The following SREBF2 variants were observed in gnomAD, a reference collection of about 807,000 sequenced individuals.
SREBF2 encodes the protein sterol regulatory element-binding protein 2.
SREBF2 carries 55 observed loss-of-function variants against 113.1 expected under a neutral mutation model. The observed-to-expected ratio is 0.49, with a 90% confidence interval of 0.39 to 0.61. The LOEUF (loss-of-function observed/expected upper bound fraction) is 0.61. SREBF2 is among the 20% of genes least tolerant of loss of function. The pLI, the probability that SREBF2 is intolerant of heterozygous loss-of-function variation, is 0.00. For missense variants in SREBF2, 1,349 were observed against 1,487.4 expected (o/e 0.91, Z 1.53); for synonymous variants, 593 against 605.7 (o/e 0.98, Z 0.31).
chr22:41,905,090 G>T lies in SREBF2; in HGVS notation c.3205+116G>T, dbSNP rs967563542. The T allele has an allele frequency of 5.9e-6, 6 of 1,009,378 alleles. No homozygotes were observed. The African/African-American group carries it at 9.7e-5, about 16-fold the overall frequency. 62.5% of individuals were successfully genotyped at this position (1,009,378 alleles called of 1,614,324 possible). The stretch of plus-strand genomic sequence containing the variant: ...GGCATTGGTGCCCAGCACACCTCTC[G>T]CCTCTCTGAGAATGAAAGAAGCCCG... On this transcript the variant is annotated intron_variant, in intron 18 of 18. Transcript: ENST00000361204.
intron 1 of SREBF2, among the ~76,000 whole-genome samples, chr22:41,838,178 C>CT (rs1005148925): frequency 2.0e-5 from 3 of 152,268 alleles, no homozygotes; most frequent in African/African-American, 7.2e-5. Context: ...TGGAGGTGAC[C>CT]TTTTTGCTGG....
At chr22:41,857,778 G>T (rs1313404946) in intron 1 of SREBF2, among the ~76,000 whole-genome samples, 6 of 152,138 alleles carry the variant, frequency 3.9e-5, no homozygotes, top group Non-Finnish European at 8.8e-5. Context: ...GCTCTGATGT[G>T]CCCCCTGGTG....
At chr22:41,864,266 A>G (rs1189069591) in intron 1 of SREBF2, among the ~76,000 whole-genome samples, 1 of 106,176 alleles carries the variant, frequency 9.4e-6, no homozygotes, top group African/African-American at 4.1e-5. Context: ...ATATATACAC[A>G]CACACACACA....
At chr22:41,853,776 C>T (rs187556779) in intron 1 of SREBF2, among the ~76,000 whole-genome samples, 7 of 152,276 alleles carry the variant, frequency 4.6e-5, no homozygotes, top group Admixed American at 3.9e-4. Flanking sequence ...TGGCTCACGC[C>T]TGTAATCCCA....
intron 16 of SREBF2, 87 bp downstream of exon 16, chr22:41,900,585 G>T (rs2077457317): frequency 2.9e-6 from 4 of 1,397,636 alleles, no homozygotes; most frequent in East Asian, 4.7e-5. Context: ...TGACCCTGCG[G>T]GTGGGGCCAT....
intron 17 of SREBF2, among the ~76,000 whole-genome samples, chr22:41,903,765 C>T (rs1468906304): frequency 6.6e-6 from 1 of 152,138 alleles, no homozygotes; most frequent in Admixed American, 6.5e-5. Flanking sequence ...TGAGGGGGCA[C>T]GGGCTGGGCT....
chr22:41,903,053 G>T lies in SREBF2; in HGVS notation c.2991G>T (p.Val997=), dbSNP rs751650602. The T allele has an allele frequency of 2.5e-6, 4 of 1,606,984 alleles. No homozygotes were observed. Among genetic ancestry groups the T allele is most frequent in the Non-Finnish European group, 3.4e-6 (4 of 1,177,008 alleles). The part of the protein sequence containing the change: ...WQKQASASQA[V]GETYHASGAE... ...AACAGGCCAGTGCCAGCCAGGCTGT[G>T]GGGGAGACCTACCACGCGTCAGGCG... Residue 997 remains valine (V), a synonymous_variant, in exon 17 of 19, where the codon GTG becomes GTT. Coordinates refer to ENST00000361204, the MANE Select transcript of SREBF2 (RefSeq NM_004599.4).
chr22:41,878,016 G>T lies in SREBF2; in HGVS notation c.1654G>T (p.Val552Phe). 1 of 1,614,146 alleles carries T rather than the reference G, an allele frequency of 6.2e-7. No homozygotes were observed. Among genetic ancestry groups the T allele is most frequent in the Non-Finnish European group, 8.5e-7 (1 of 1,180,038 alleles). ...WLVNGVIVLS[V>F]FVKLLVHGEP... is the part of the protein sequence containing the mutation. ...GGTAAATGGTGTGATTGTCCTGAGC[G>T]TCTTTGTGAAGCTGCTGGTTCATGG... The change falls in exon 9 of 19, where the codon GTC becomes TTC. Residue 552 changes from valine (V) to phenylalanine (F), a missense_variant. Physicochemically the swap from Val to Phe is conservative, Grantham distance 50 (BLOSUM62 -1). This residue lies in a region of SREBF2 where 699 missense variants were observed against 843.3 expected (regional missense o/e 0.83). Transcript: ENST00000361204.
chr22:41,856,478 G>A (rs2076978936), intron 1 of SREBF2, among the ~76,000 whole-genome samples: 1 of 152,152 alleles, frequency 6.6e-6, no homozygotes, highest in African/African-American at 2.4e-5. Context: ...AGAACTAAAA[G>A]ATGACTAGAT....
In SREBF2 at chr22:41,876,184, G is replaced by A. The variant is rs374931691; in HGVS notation, c.1386+460G>A. On this transcript the variant is annotated intron_variant, in intron 7 of 18. Coordinates refer to ENST00000361204, the MANE Select transcript of SREBF2 (RefSeq NM_004599.4). ...ACATTTTACCTATGGGCCTTTAATC[G>A]TCAAAGCCCCTGGCAATGGTAGTTT... Among the ~76,000 whole-genome samples the A allele has an allele frequency of 3.1e-4, 47 of 152,262 alleles. 1 individual carries two copies. The highest frequency in any genetic ancestry group is 2.7e-3 in the South Asian group (13 of 4,830).
chr22:41,890,026 T>C (rs146582375), intron 11 of SREBF2, among the ~76,000 whole-genome samples: 9 of 152,078 alleles, frequency 5.9e-5, no homozygotes, highest in African/African-American at 1.9e-4. Flanking sequence ...TTTTGGATTC[T>C]TAATAATTTC....
intron 1 of SREBF2, among the ~76,000 whole-genome samples, chr22:41,859,461 G>A (rs1275642303): frequency 1.3e-5 from 2 of 152,206 alleles, no homozygotes; most frequent in Admixed American, 6.5e-5. Context: ...CATTTCAGCC[G>A]AATATGGTTT....
Position 41,833,588 on chromosome 22 carries a change from A to C in SREBF2, c.88+230A>C. On this transcript the variant is annotated intron_variant, in intron 1 of 18. Transcript: ENST00000361204. This position sits in a 1 kb window ranked among gnomAD's most constrained non-coding sequence, Gnocchi z 4.1. Reference sequence around the variant, plus strand: ...GGATCTGGGGCGCCGCGGGGCCGAAAGCGGCGCGAGGGTCGCGGGTTCCAG... The same window carrying C: ...GGATCTGGGGCGCCGCGGGGCCGAACGCGGCGCGAGGGTCGCGGGTTCCAG... 1 of 417,900 alleles carries C rather than the reference A, an allele frequency of 2.4e-6. No individual in the cohort carries two copies. Among genetic ancestry groups the C allele is most frequent in the African/African-American group, 2.1e-5 (1 of 47,698 alleles). 25.9% of individuals were successfully genotyped at this position (417,900 alleles called of 1,614,324 possible). A position where few individuals can be genotyped will look rare whatever the true frequency, so the allele number is the denominator to read the frequency against.
At chr22:41,881,933 T>A (rs1354284364) in intron 10 of SREBF2, among the ~76,000 whole-genome samples, 1 of 151,918 alleles carries the variant, frequency 6.6e-6, no homozygotes. Flanking sequence ...TTAGCCAGGC[T>A]TGGTGATGCA....
chr22:41,849,773 C>T (rs1163587772), intron 1 of SREBF2, among the ~76,000 whole-genome samples: 1 of 152,122 alleles, frequency 6.6e-6, no homozygotes, highest in Non-Finnish European at 1.5e-5. Context: ...TTCCCCATTC[C>T]CCTTGATGCG....
chr22:41,851,796 A>G (rs1410778455), intron 1 of SREBF2, among the ~76,000 whole-genome samples: 3 of 151,452 alleles, frequency 2.0e-5, no homozygotes, highest in African/African-American at 7.3e-5. Flanking sequence ...CACCCAGCCA[A>G]TAAGGCCTTG....
In SREBF2 at chr22:41,893,216, T is replaced by G. The variant is rs1451136922; in HGVS notation, c.2308T>G (p.Phe770Val). The stretch of plus-strand genomic sequence containing the variant: ...CTGCCACCCCCTGGGCCAGAAGTTT[T>G]TCATGGAGCGGAGCTGGTCTGTGAA... ...WLCHPLGQKFFMERSWSVKSA... is the reference protein window; with the variant it reads ...WLCHPLGQKFVMERSWSVKSA... The change falls in exon 12 of 19, where the codon TTC (phenylalanine) becomes GTC (valine). Residue 770 changes from phenylalanine (F) to valine (V), a missense_variant. Physicochemically the swap from Phe to Val is conservative, Grantham distance 50 (BLOSUM62 -1). This residue lies in a region of SREBF2 where 650 missense variants were observed against 644.1 expected (regional missense o/e 1.01). Transcript: ENST00000361204. The G allele has an allele frequency of 1.2e-6, 2 of 1,614,038 alleles. No homozygotes were observed. The highest frequency in any genetic ancestry group is 2.7e-5 in the African/African-American group (2 of 74,922).
intron 10 of SREBF2, among the ~76,000 whole-genome samples, chr22:41,883,199 A>T (rs2077266260): frequency 6.6e-6 from 1 of 152,082 alleles, no homozygotes; most frequent in Non-Finnish European, 1.5e-5. Flanking sequence ...AAGGTCAGAG[A>T]GTTGAGGAGG....
intron 11 of SREBF2, among the ~76,000 whole-genome samples, chr22:41,892,826 C>G (rs978191641): frequency 1.3e-4 from 20 of 152,120 alleles, no homozygotes; most frequent in Non-Finnish European, 2.5e-4. Flanking sequence ...GATCAGGCAG[C>G]CCCAGCAGGA....
Sources: allele counts gnomAD v4.1 joint callset (sites outside exome capture counted in the v4.1 genomes callset), GRCh38; gene constraint gnomAD v4.1.1; regional missense constraint gnomAD v4.1.1; non-coding constraint Gnocchi (gnomAD v3.1); transcripts MANE v1.5; gene names NCBI Gene and HGNC (gene_info 2026-07-23, HGNC 2026-07-21).